The following THSD7A variants were observed in gnomAD, a reference collection of about 807,000 sequenced individuals.
The protein encoded by THSD7A is thrombospondin type 1 domain containing 7A.
THSD7A carries 96 observed loss-of-function variants against 231.3 expected under a neutral mutation model. The ratio of observed to expected loss-of-function variants is 0.41; its 90% CI spans 0.35 to 0.49. The LOEUF (loss-of-function observed/expected upper bound fraction) is 0.49. THSD7A is among the 20% of genes least tolerant of loss of function. The pLI, the probability that THSD7A is intolerant of heterozygous loss-of-function variation, is 0.05. For missense variants in THSD7A, 2,290 were observed against 2,070.2 expected, an observed-to-expected ratio of 1.11 and a Z score of -2.06; for synonymous variants, 940 against 743.3, an observed-to-expected ratio of 1.26 and a Z score of -4.30.
intron 1 of THSD7A, among the ~76,000 whole-genome samples, chr7:11,763,245 G>A (rs1467644207): frequency 6.6e-6 from 1 of 152,030 alleles, no homozygotes; most frequent in East Asian, 1.9e-4. Flanking sequence ...ATATTCAAAT[G>A]CTGCTTCCTC....
chr7:11,566,113 C>G (rs186317188), intron 4 of THSD7A, among the ~76,000 whole-genome samples: 1 of 151,302 alleles, frequency 6.6e-6, no homozygotes, highest in Non-Finnish European at 1.5e-5. Flanking sequence ...AAAACAAATA[C>G]GAAAGGTCAA....
chr7:11,814,854 A>T lies in THSD7A; in HGVS notation c.190+16903T>A, dbSNP rs1784631214. Among the ~76,000 whole-genome samples the T allele has an allele frequency of 6.6e-6, 1 of 152,130 alleles. No individual in the cohort carries two copies. The highest frequency in any genetic ancestry group is 1.9e-4 in the East Asian group (1 of 5,182). On this transcript the variant is annotated intron_variant, in intron 1 of 27. Transcript: ENST00000423059. This position sits in a 1 kb window ranked among gnomAD's most constrained non-coding sequence, Gnocchi z 5.1. ...CAAAAGAAGCTGTTTGATAAGAGTG[A>T]TTGGATCTTCTGATCTTTGCTGCAT...
chr7:11,769,124 T>TTCCCGGCC lies in THSD7A; in HGVS notation c.190+62632_190+62633insGGCCGGGA, dbSNP rs1783126924. On this transcript the variant is annotated intron_variant, in intron 1 of 27. Transcript: ENST00000423059. Reference sequence around the variant, plus strand: ...AGGCACCTGCCATAATTCCTGGCAATATATATATATATATATATATATATA... The same window carrying TTCCCGGCC: ...AGGCACCTGCCATAATTCCTGGCAATTCCCGGCCATATATATATATATATATATATATA... Among the ~76,000 whole-genome samples the TTCCCGGCC allele has an allele frequency of 1.0e-3, 35 of 34,438 alleles. 1 individual carries two copies. Among genetic ancestry groups the TTCCCGGCC allele is most frequent in the Non-Finnish European group, 1.6e-3 (26 of 16,622 alleles). 22.6% of individuals were successfully genotyped at this position (34,438 alleles called of 152,430 possible).
At chr7:11,604,692 T>A (rs1308193007) in intron 2 of THSD7A, among the ~76,000 whole-genome samples, 3 of 152,146 alleles carry the variant, frequency 2.0e-5, no homozygotes, top group African/African-American at 4.8e-5. Context: ...ATCTTGCGAA[T>A]GACAATGCAG....
intron 4 of THSD7A, among the ~76,000 whole-genome samples, chr7:11,563,890 G>T (rs1191548109): frequency 6.6e-6 from 1 of 152,056 alleles, no homozygotes; most frequent in Admixed American, 6.5e-5. Context: ...CATGCTTGCT[G>T]CTTGGATAAT....
chr7:11,622,491 A>C (rs1040860204), intron 2 of THSD7A, among the ~76,000 whole-genome samples: 2 of 152,152 alleles, frequency 1.3e-5, no homozygotes, highest in Non-Finnish European at 2.9e-5. Context: ...CCTACTTTAA[A>C]ATTAAGAAAT....
chr7:11,767,024 T>C (rs2128170117), intron 1 of THSD7A, among the ~76,000 whole-genome samples: 1 of 152,286 alleles, frequency 6.6e-6, no homozygotes, highest in East Asian at 1.9e-4. Flanking sequence ...AGTGCCATGA[T>C]ATTTACAGAA....
intron 4 of THSD7A, among the ~76,000 whole-genome samples, chr7:11,547,482 A>T (rs1006405129): frequency 6.6e-6 from 1 of 152,150 alleles, no homozygotes; most frequent in African/African-American, 2.4e-5. Context: ...CCTAAACTTC[A>T]CGCTTGATCA....
At chr7:11,386,090 C>A (rs1414335992) in intron 23 of THSD7A, among the ~76,000 whole-genome samples, 1 of 152,156 alleles carries the variant, frequency 6.6e-6, no homozygotes, top group Non-Finnish European at 1.5e-5. Context: ...TGTATATGTG[C>A]CACATTTTCT....
At chr7:11,666,551 G>C (rs1007765560) in intron 1 of THSD7A, among the ~76,000 whole-genome samples, 2 of 151,910 alleles carry the variant, frequency 1.3e-5, no homozygotes, top group Non-Finnish European at 2.9e-5. Flanking sequence ...GCCTAATACA[G>C]TGATGGGTAT....
chr7:11,406,967 G>A lies in THSD7A; in HGVS notation c.4005C>T (p.Cys1335=). 1.2e-6 allele frequency: 2 copies of A among 1,613,860 alleles called. No homozygotes were observed. Among genetic ancestry groups the A allele is most frequent in the African/African-American group, 1.3e-5 (1 of 75,032 alleles). The change falls in exon 21 of 28, where the codon TGC becomes TGT. Residue 1335 remains cysteine (C), a synonymous_variant. Coordinates refer to ENST00000423059, the MANE Select transcript of THSD7A (RefSeq NM_015204.3). The surrounding 1 kb of genome is among the most constrained non-coding windows in gnomAD (Gnocchi z 4.7). ...CPSLMDQSKP[C]PVKPCYRWQY... ...GCCACCGATAACAAGGCTTCACTGG[G>A]CAGGGTTTGGACTGGTCCATCAGGG... is the stretch of plus-strand genomic sequence containing the variant.
In THSD7A at chr7:11,572,889, T is replaced by G. The variant is rs529249385; in HGVS notation, c.1453+17571A>C. Among the ~76,000 whole-genome samples, 85 of 152,290 alleles carry G rather than the reference T, an allele frequency of 5.6e-4. No individual in the cohort carries two copies. In the Middle Eastern group the frequency reaches 0.01, roughly 18 times the overall value. ...GTCTTTTTCTTCTCCTTTTTTCATG[T>G]GTAGTAACTTTTTATTATATTTTGA... On this transcript the variant is annotated intron_variant, in intron 4 of 27. Coordinates refer to ENST00000423059, the MANE Select transcript of THSD7A (RefSeq NM_015204.3).
At chr7:11,652,235 C>G (rs1194772358) in intron 1 of THSD7A, among the ~76,000 whole-genome samples, 1 of 151,346 alleles carries the variant, frequency 6.6e-6, no homozygotes, top group Non-Finnish European at 1.5e-5. Flanking sequence ...ATTAATCAGG[C>G]TGAAGAAAAA....
intron 2 of THSD7A, among the ~76,000 whole-genome samples, chr7:11,626,806 A>G (rs1301395710): frequency 1.3e-5 from 2 of 152,190 alleles, no homozygotes; most frequent in Non-Finnish European, 2.9e-5. Context: ...ATATAACAAC[A>G]GCAATTATTT....
At chr7:11,735,584 A>G (rs1358129526) in intron 1 of THSD7A, among the ~76,000 whole-genome samples, 6 of 151,944 alleles carry the variant, frequency 3.9e-5, no homozygotes, top group African/African-American at 1.4e-4. Flanking sequence ...ATCTGAAAAA[A>G]TCTGAAATTC....
At chr7:11,775,549 G>C (rs1480632781) in intron 1 of THSD7A, among the ~76,000 whole-genome samples, 1 of 152,068 alleles carries the variant, frequency 6.6e-6, no homozygotes, top group Non-Finnish European at 1.5e-5. Flanking sequence ...GCTACAACAT[G>C]GACATTATGC....
At chr7:11,393,851 A>G (rs1783078129) in intron 23 of THSD7A, among the ~76,000 whole-genome samples, 1 of 152,190 alleles carries the variant, frequency 6.6e-6, no homozygotes, top group Non-Finnish European at 1.5e-5. Context: ...AGCCTCCAAG[A>G]AATATGGGAC....
At chr7:11,407,477 A>G in intron 19 of THSD7A, 54 bp from the exon 20 acceptor site, 2 of 1,339,924 alleles carry the variant, frequency 1.5e-6, no homozygotes, top group East Asian at 2.4e-5. Flanking sequence ...GGAGGGAGCC[A>G]GAGAATGAGG....
At chr7:11,642,724 G>C (rs1378753416) in intron 1 of THSD7A, among the ~76,000 whole-genome samples, 1 of 152,090 alleles carries the variant, frequency 6.6e-6, no homozygotes, top group Non-Finnish European at 1.5e-5. Context: ...ACTTGGCTTA[G>C]TTTTCCTTAG....
Sources: gnomAD v4.1 joint callset for allele counts (sites outside exome capture counted in the v4.1 genomes callset) on GRCh38, gnomAD v4.1.1 for gene constraint, Gnocchi (gnomAD v3.1) non-coding constraint, MANE v1.5 for transcripts, NCBI Gene and HGNC (gene_info 2026-07-23, HGNC 2026-07-21) for gene names.